Variants in TMEM74 observed in about 807,000 individuals in gnomAD.
The protein encoded by TMEM74 is transmembrane protein 74.
TMEM74 carries 13 observed loss-of-function variants against 18.1 expected under a neutral mutation model. The ratio of observed to expected loss-of-function variants is 0.72; its 90% confidence interval spans 0.47 to 1.14. TMEM74 has a LOEUF of 1.14. Ranked by LOEUF, TMEM74 falls within the 50% of genes most tolerant of loss-of-function variation. The probability of loss-of-function intolerance (pLI) is 0.00; values close to 1 mark genes in which losing one functional copy is unlikely to be tolerated. For missense variants in TMEM74, 372 were observed against 375.9 expected (o/e 0.99, Z 0.09); for synonymous variants, 159 against 146.6 (o/e 1.08, Z -0.61).
rs1308017771 is a variant in TMEM74, at chr8:108,782,312, C to G, written c.*1869G>C. ...TTCAAAAAGCACAAAAATACAGCAA[C>G]AGAAAGCAAAAATCATGTTTATGTC... On this transcript the variant is annotated 3_prime_UTR_variant, in exon 2 of 2. Coordinates refer to ENST00000297459, the MANE Select transcript of TMEM74 (RefSeq NM_153015.3). Among the ~76,000 whole-genome samples the G allele has an allele frequency of 6.6e-6, 1 of 152,152 alleles. No individual in the cohort carries two copies. Among genetic ancestry groups the G allele is most frequent in the African/African-American group, 2.4e-5 (1 of 41,440 alleles).
chr8:108,703,410 T>C lies in TMEM74; in HGVS notation n.120-47973A>G, dbSNP rs577379979. 2.6e-5 allele frequency among the ~76,000 whole-genome samples: 4 copies of C among 152,256 alleles called. No individual in the cohort carries two copies. The South Asian group carries it at 8.3e-4, about 32-fold the overall frequency. ...TTGTATCTAAAGGCATAAGGTTAACTAGGGTGTATTTTGTCAGGGAAGAGG... is the reference window on the plus strand; with the variant it reads ...TTGTATCTAAAGGCATAAGGTTAACCAGGGTGTATTTTGTCAGGGAAGAGG... On this transcript the variant is annotated intron_variant and non_coding_transcript_variant, in intron 1 of 3. Coordinates refer to the TMEM74 transcript ENST00000518838.
chr8:108,767,303 T>A (rs1659603527), intron 1 of TMEM74, among the ~76,000 whole-genome samples: 1 of 152,214 alleles, frequency 6.6e-6, no homozygotes, highest in South Asian at 2.1e-4. Flanking sequence ...GATGTGAGCA[T>A]TAGCAAAACA....
intron 2 of TMEM74, among the ~76,000 whole-genome samples, chr8:108,638,286 T>A (rs993782822): frequency 1.3e-5 from 2 of 150,810 alleles, no homozygotes; most frequent in Non-Finnish European, 3.0e-5. Context: ...TGTACATACT[T>A]TTCCACCTCT....
intron 1 of TMEM74, among the ~76,000 whole-genome samples, chr8:108,764,237 TA>T (rs1281170954): frequency 6.6e-6 from 1 of 152,164 alleles, no homozygotes; most frequent in Non-Finnish European, 1.5e-5. Context: ...GAAGAAAGAC[TA>T]AGTTAACAGT....
At chr8:108,770,256 T>A (rs529445380) in intron 1 of TMEM74, among the ~76,000 whole-genome samples, 1 of 152,254 alleles carries the variant, frequency 6.6e-6, no homozygotes, top group East Asian at 1.9e-4. Context: ...AAATGATTCC[T>A]TTTAAAAAAC....
chr8:108,726,069 C>T (rs1033168310), intron 1 of TMEM74, among the ~76,000 whole-genome samples: 12 of 152,248 alleles, frequency 7.9e-5, no homozygotes, highest in Admixed American at 2.0e-4. Flanking sequence ...ATGGACATTT[C>T]GGGCCATATT....
At chr8:108,710,858 G>A (rs762903691) in intron 1 of TMEM74, among the ~76,000 whole-genome samples, 59 of 152,250 alleles carry the variant, frequency 3.9e-4, no homozygotes, top group Non-Finnish European at 7.5e-4. Context: ...TGTTAGCAGG[G>A]CAATTATACC....
chr8:108,756,354 C>A (rs1813959435), intron 1 of TMEM74, among the ~76,000 whole-genome samples: 1 of 151,566 alleles, frequency 6.6e-6, no homozygotes, highest in African/African-American at 2.4e-5. Flanking sequence ...ATTATGTTTC[C>A]CTTTCTAACT....
intron 1 of TMEM74, among the ~76,000 whole-genome samples, chr8:108,663,721 A>G (rs915018290): frequency 2.6e-5 from 4 of 152,202 alleles, no homozygotes; most frequent in African/African-American, 9.6e-5. Context: ...GATGCCCAAC[A>G]GTGATAGGCT....
At chr8:108,650,373 T>C (rs985758964) in intron 2 of TMEM74, among the ~76,000 whole-genome samples, 2 of 152,208 alleles carry the variant, frequency 1.3e-5, no homozygotes, top group Non-Finnish European at 2.9e-5. Context: ...GGAGTTATTC[T>C]GCTAAAAATG....
intron 1 of TMEM74, among the ~76,000 whole-genome samples, chr8:108,745,124 GTAAACT>G (rs1244769069): frequency 3.3e-5 from 5 of 152,206 alleles, no homozygotes; most frequent in East Asian, 1.9e-4. Flanking sequence ...CACAAGCAAG[GTAAACT>G]TAAACTCTTC....
intron 1 of TMEM74, among the ~76,000 whole-genome samples, chr8:108,766,200 TTTCCTTCC>T (rs150712271): frequency 5.3e-5 from 8 of 151,654 alleles, no homozygotes; most frequent in East Asian, 1.9e-4. Flanking sequence ...TTATTTCTCC[TTTCCTTCC>T]TTCCTTCCTT....
intron 2 of TMEM74, among the ~76,000 whole-genome samples, chr8:108,615,785 T>C (rs1252348446): frequency 6.7e-6 from 1 of 149,424 alleles, no homozygotes; most frequent in Non-Finnish European, 1.5e-5. Context: ...TTCTGGGCTT[T>C]TATATACCTG....
At chr8:108,689,799 A>G (rs1813206821) in intron 1 of TMEM74, among the ~76,000 whole-genome samples, 1 of 152,144 alleles carries the variant, frequency 6.6e-6, no homozygotes, top group Non-Finnish European at 1.5e-5. Flanking sequence ...CCTGAATTGC[A>G]GTTGGCAAAG....
intron 1 of TMEM74, among the ~76,000 whole-genome samples, chr8:108,657,842 CAAAAAA>C (rs1157229913): frequency 3.1e-3 from 51 of 16,604 alleles, no homozygotes; most frequent in Admixed American, 9.9e-3. Context: ...GACACCGTCT[CAAAAAA>C]AAAAAAAAAA....
intron 2 of TMEM74, among the ~76,000 whole-genome samples, chr8:108,639,454 A>G (rs1812641345): frequency 6.6e-6 from 1 of 152,144 alleles, no homozygotes; most frequent in Non-Finnish European, 1.5e-5. Context: ...CACACATTAC[A>G]TATATGCATG....
At chr8:108,621,575 G>A (rs889522977) in intron 2 of TMEM74, among the ~76,000 whole-genome samples, 16 of 152,150 alleles carry the variant, frequency 1.1e-4, no homozygotes, top group Non-Finnish European at 1.6e-4. Flanking sequence ...GTTACACAGG[G>A]TTCTATGATG....
chr8:108,745,361 G>A (rs1458929444), intron 1 of TMEM74, among the ~76,000 whole-genome samples: 1 of 152,118 alleles, frequency 6.6e-6, no homozygotes, highest in Admixed American at 6.5e-5. Context: ...ATGAACAAGT[G>A]TGTCAGTGTC....
intron 1 of TMEM74, among the ~76,000 whole-genome samples, chr8:108,685,441 GACTA>G (rs1236962434): frequency 6.6e-5 from 10 of 151,952 alleles, no homozygotes; most frequent in Non-Finnish European, 1.0e-4. Flanking sequence ...TCTTTCTCTT[GACTA>G]ACTATTCTGG....
Sources: allele counts gnomAD v4.1 joint callset (sites outside exome capture counted in the v4.1 genomes callset), GRCh38; gene constraint gnomAD v4.1.1; transcripts MANE v1.5; gene names NCBI Gene and HGNC (gene_info 2026-07-23, HGNC 2026-07-21).